SCN9A: variants seen among roughly 807,000 people sequenced by gnomAD.
SCN9A encodes sodium voltage-gated channel alpha subunit 9, also known as sodium channel protein type 9 subunit alpha.
A neutral mutation model predicts 187.0 loss-of-function variants in SCN9A; 131 were observed. The ratio of observed to expected loss-of-function variants is 0.70; its 90% CI spans 0.61 to 0.81. The LOEUF is 0.81. Ranked by LOEUF, SCN9A falls within the 30% of genes least tolerant of loss-of-function variation. The probability of loss-of-function intolerance (pLI) is 0.00; values close to 1 mark genes in which losing one functional copy is unlikely to be tolerated. For missense variants in SCN9A, 2,252 were observed against 2,396.6 expected (o/e 0.94, Z 1.26); for synonymous variants, 809 against 808.6 (o/e 1.00, Z -0.01).
intron 1 of SCN9A, among the ~76,000 whole-genome samples, chr2:166,369,344 CTT>C (rs1700495549): frequency 6.6e-6 from 1 of 152,114 alleles, no homozygotes; most frequent in African/African-American, 2.4e-5. Context: ...GCTTTTAACA[CTT>C]TATAAAAATA....
chr2:166,338,664 A>G (rs6728894), intron 1 of SCN9A, among the ~76,000 whole-genome samples: 70,528 of 151,496 alleles, frequency 0.47, 19,266 homozygotes, highest in African/African-American at 0.78. Context: ...AAATTACATC[A>G]TTTTTTATTG....
intron 13 of SCN9A, among the ~76,000 whole-genome samples, chr2:166,280,943 C>T (rs1697457556): frequency 6.6e-6 from 1 of 152,024 alleles, no homozygotes; most frequent in Non-Finnish European, 1.5e-5. Flanking sequence ...TATTTTTCAC[C>T]TGTGTTTTTA....
In SCN9A at chr2:166,199,081, C is replaced by T. The variant is rs1380470248; in HGVS notation, c.5558G>A (p.Ser1853Asn). 6.2e-7 allele frequency: 1 copy of T among 1,614,164 alleles called. No homozygotes were observed. Among genetic ancestry groups the T allele is most frequent in the Non-Finnish European group, 8.5e-7 (1 of 1,180,048 alleles). Reference sequence around the variant, plus strand: ...TGAACGAAGAGAATCCATCTCCCCACTCTCACCCAAAACACGCTTTGTAAA... The same window carrying T: ...TGAACGAAGAGAATCCATCTCCCCATTCTCACCCAAAACACGCTTTGTAAA... ...FAFTKRVLGESGEMDSLRSQM... is the reference protein window; with the variant it reads ...FAFTKRVLGENGEMDSLRSQM... Residue 1853 changes from serine to asparagine, a missense_variant, in exon 27 of 27, where the codon AGT becomes AAT. Physicochemically the swap from Ser to Asn is conservative, Grantham distance 46 (BLOSUM62 1). Around this residue, in one of 7 missense-constraint regions of SCN9A, gnomAD observed 345 missense variants for 344.6 expected, o/e 1.00. Transcript: ENST00000642356.
intron 17 of SCN9A, among the ~76,000 whole-genome samples, chr2:166,264,368 G>A (rs934220185): frequency 1.3e-5 from 2 of 151,928 alleles, no homozygotes; most frequent in African/African-American, 4.8e-5. Context: ...ACTCTGAGAA[G>A]AGCCATCAGT....
At position 166,259,145 on chromosome 2, in the gene SCN9A, T is replaced by C. The variant is rs541603670; in HGVS notation, c.3352-7260A>G. On this transcript the variant is annotated intron_variant, in intron 17 of 26. Transcript: ENST00000642356. ...TGCAGTGGGTCAGGCAGAAAGGTTT[T>C]GTAGCTGAACAGCATGCAAGACATT... 4.0e-5 allele frequency: 6 copies of C among 151,872 alleles called. No individual in the cohort carries two copies. In the East Asian group the frequency reaches 1.2e-3, roughly 30 times the overall value. The allele number at this position is 151,872 out of a possible 1,614,324, so 9.4% of individuals were successfully genotyped here.
At chr2:166,225,676 G>A (rs1217113268) in intron 24 of SCN9A, among the ~76,000 whole-genome samples, 1 of 152,150 alleles carries the variant, frequency 6.6e-6, no homozygotes, top group African/African-American at 2.4e-5. Context: ...TGAAAATAAT[G>A]TCATTGCAGA....
At chr2:166,320,385 G>A (rs943804690) in intron 1 of SCN9A, among the ~76,000 whole-genome samples, 2 of 152,052 alleles carry the variant, frequency 1.3e-5, no homozygotes, top group African/African-American at 2.4e-5. Context: ...GAAAAATATG[G>A]ACTGACTCTA....
chr2:166,215,506 G>A (rs1282936844), intron 24 of SCN9A, among the ~76,000 whole-genome samples: 6 of 151,466 alleles, frequency 4.0e-5, no homozygotes, highest in Non-Finnish European at 7.4e-5. Flanking sequence ...AGATAAAATC[G>A]AAAAACCTTT....
intron 1 of SCN9A, among the ~76,000 whole-genome samples, chr2:166,348,324 T>C (rs11674528): frequency 0.21 from 31,159 of 151,934 alleles, 3,988 homozygotes; most frequent in African/African-American, 0.36. Flanking sequence ...TTTCATATAC[T>C]CTTATTTTAA....
intron 17 of SCN9A, among the ~76,000 whole-genome samples, chr2:166,266,563 C>A (rs993769467): frequency 4.0e-5 from 5 of 125,254 alleles, no homozygotes; most frequent in Non-Finnish European, 8.2e-5. Context: ...TGGTTTCATA[C>A]AAATGTTAGG....
At chr2:166,298,204 A>C (rs2106513260) in intron 7 of SCN9A, among the ~76,000 whole-genome samples, 1 of 152,262 alleles carries the variant, frequency 6.6e-6, no homozygotes, top group Non-Finnish European at 1.5e-5. Flanking sequence ...AGATAGGAAA[A>C]TTCCTGTTAG....
intron 1 of SCN9A, among the ~76,000 whole-genome samples, chr2:166,333,006 C>A (rs930919977): frequency 2.0e-5 from 3 of 150,758 alleles, no homozygotes; most frequent in African/African-American, 4.9e-5. Context: ...TATGGCAAAT[C>A]CAAGAATATA....
intron 14 of SCN9A, among the ~76,000 whole-genome samples, chr2:166,279,083 A>G (rs1240054652): frequency 6.6e-6 from 1 of 152,112 alleles, no homozygotes; most frequent in African/African-American, 2.4e-5. Flanking sequence ...TGACCAGGTA[A>G]ATCCTTTCTG....
Position 166,197,782 on chromosome 2 carries a change from A to G in SCN9A, c.*890T>C, listed in dbSNP as rs1307267609. 23 of 152,216 alleles carry G rather than the reference A, an allele frequency of 1.5e-4. No homozygotes were observed. The highest frequency in any genetic ancestry group is 1.4e-3 in the Admixed American group (22 of 15,294). 9.4% of individuals were successfully genotyped at this position (152,216 alleles called of 1,614,324 possible). A position where few individuals can be genotyped will look rare whatever the true frequency, so the allele number is the denominator to read the frequency against. On this transcript the variant is annotated 3_prime_UTR_variant, in exon 27 of 27. Coordinates refer to ENST00000642356, the MANE Select transcript of SCN9A (RefSeq NM_001365536.1). ...TGACAAAAGAGTTTAAGAGACTATT[A>G]TCAGTATTTTGGGCAGCACAGTCAA... is the stretch of plus-strand genomic sequence containing the variant.
At position 166,277,190 on chromosome 2, in the gene SCN9A, A is replaced by G; in HGVS notation, c.2667T>C (p.Gly889=). 6.2e-7 allele frequency: 1 copy of G among 1,614,094 alleles called. No individual in the cohort carries two copies. Residue 889 remains glycine, a synonymous_variant, in exon 16 of 27, where the codon GGT becomes GGC. Coordinates refer to ENST00000642356, the MANE Select transcript of SCN9A (RefSeq NM_001365536.1). The part of the protein sequence containing the change: ...IFAVVGMQLF[G]KSYKECVCKI... ...TGCAGACACATTCTTTGTAGCTCTT[A>G]CCAAAGAGCTGCATGCCGACCACAG...
intron 19 of SCN9A, among the ~76,000 whole-genome samples, chr2:166,240,738 A>C (rs1410706783): frequency 1.3e-5 from 2 of 152,184 alleles, no homozygotes; most frequent in Non-Finnish European, 2.9e-5. Context: ...GGGTCCCTGC[A>C]GGTTGTTGGG....
intron 1 of SCN9A, among the ~76,000 whole-genome samples, chr2:166,316,974 G>T (rs554978785): frequency 4.0e-5 from 6 of 151,890 alleles, no homozygotes; most frequent in African/African-American, 1.4e-4. Context: ...GAAAGAGAGC[G>T]TTCAAAGACT....
chr2:166,290,924 C>T (rs1399102428), intron 9 of SCN9A, among the ~76,000 whole-genome samples: 5 of 152,088 alleles, frequency 3.3e-5, no homozygotes, highest in Non-Finnish European at 7.4e-5. Context: ...ATTGATGGAA[C>T]ATATCTCAAA....
chr2:166,327,804 A>G (rs888443186), intron 1 of SCN9A, among the ~76,000 whole-genome samples: 1 of 152,196 alleles, frequency 6.6e-6, no homozygotes. Context: ...GAATTTGTCC[A>G]GGCCATTTCA....
Sources: allele counts gnomAD v4.1 joint callset (sites outside exome capture counted in the v4.1 genomes callset), GRCh38; gene constraint gnomAD v4.1.1; regional missense constraint gnomAD v4.1.1; transcripts MANE v1.5; gene names NCBI Gene and HGNC (gene_info 2026-07-23, HGNC 2026-07-21).